LY86: variants seen among roughly 807,000 people sequenced by gnomAD.
LY86 encodes lymphocyte antigen 86.
LY86 carries 20 observed loss-of-function variants against 17.3 expected under a neutral mutation model. The observed-to-expected ratio is 1.15, with a 90% CI of 0.81 to 1.68. The LOEUF is 1.68. LY86 is among the 40% of genes most tolerant of loss of function. The probability of loss-of-function intolerance (pLI) is 0.00; values close to 1 mark genes in which losing one functional copy is unlikely to be tolerated. For missense variants in LY86, 200 were observed against 191.9 expected (o/e 1.04, Z -0.25); for synonymous variants, 74 against 70.6 (o/e 1.05, Z -0.24).
intron 1 of LY86, among the ~76,000 whole-genome samples, chr6:6,610,015 G>A (rs1761291047): frequency 6.6e-6 from 1 of 152,060 alleles, no homozygotes; most frequent in Non-Finnish European, 1.5e-5. Context: ...GTGAACTCCT[G>A]GGCTCCAGCG....
intron 1 of LY86, among the ~76,000 whole-genome samples, chr6:6,620,495 C>T (rs1393193594): frequency 6.6e-6 from 1 of 152,226 alleles, no homozygotes; most frequent in Non-Finnish European, 1.5e-5. Context: ...TAGGGACATA[C>T]ATCCAAGCTT....
intron 3 of LY86, among the ~76,000 whole-genome samples, chr6:6,636,397 C>A (rs1345758477): frequency 1.3e-5 from 2 of 152,210 alleles, no homozygotes; most frequent in Non-Finnish European, 2.9e-5. Context: ...GTTCTGCACA[C>A]AGCAAGCATT....
chr6:6,640,770 A>G (rs940204369), intron 3 of LY86, among the ~76,000 whole-genome samples: 28 of 152,134 alleles, frequency 1.8e-4, no homozygotes, highest in Non-Finnish European at 3.2e-4. Flanking sequence ...AGATGAGTAT[A>G]TCTCTGAATC....
intron 3 of LY86, among the ~76,000 whole-genome samples, chr6:6,630,103 CTT>C (rs947869689): frequency 2.6e-5 from 4 of 152,074 alleles, no homozygotes; most frequent in Non-Finnish European, 5.9e-5. Context: ...TTATTTTTGT[CTT>C]TTTTGGAAAT....
intron 1 of LY86, among the ~76,000 whole-genome samples, chr6:6,609,427 G>A (rs925425478): frequency 6.6e-6 from 1 of 152,218 alleles, no homozygotes; most frequent in Non-Finnish European, 1.5e-5. Context: ...AAGCTTCACG[G>A]TATCTTTAGG....
intron 3 of LY86, 70 bp downstream of exon 3, chr6:6,626,491 C>T: frequency 3.2e-6 from 5 of 1,553,634 alleles, no homozygotes; most frequent in Non-Finnish European, 2.6e-6. Context: ...GCATCTGAGG[C>T]CAGGACGCCC....
rs1760430402 is a variant in LY86, at chr6:6,588,756, C to G, written c.22C>G (p.Leu8Val). The change falls in exon 1 of 5, where the codon CTC becomes GTC. Residue 8 changes from leucine to valine, a missense_variant. By Grantham distance (32) the Leu-to-Val change is conservative (BLOSUM62 1). Coordinates refer to ENST00000230568, the MANE Select transcript of LY86 (RefSeq NM_004271.4). ...CACCATGAAGGGTTTCACAGCCACT[C>G]TCTTCCTCTGGACTCTGATTTTTCC... MKGFTAT[L>V]FLWTLIFPSC... is the part of the protein sequence containing the mutation. 2 of 1,614,184 alleles carry G rather than the reference C, an allele frequency of 1.2e-6. No homozygotes were observed. The highest frequency in any genetic ancestry group is 1.7e-6 in the Non-Finnish European group (2 of 1,180,012).
At chr6:6,603,612 A>AAAAAAAAAAAAAAAAAAC (rs1760990168) in intron 1 of LY86, among the ~76,000 whole-genome samples, 1 of 124,694 alleles carries the variant, frequency 8.0e-6, no homozygotes, top group Non-Finnish European at 1.8e-5. Flanking sequence ...ACAGAAAAAA[A>AAAAAAAAAAAAAAAAAAC]AACAAACAAA....
chr6:6,612,491 C>T (rs944056779), intron 1 of LY86, among the ~76,000 whole-genome samples: 3 of 150,560 alleles, frequency 2.0e-5, no homozygotes, highest in Non-Finnish European at 2.9e-5. Context: ...AAAGTGTAAA[C>T]AACAAAAACA....
chr6:6,650,340 GTT>G (rs139329401), intron 4 of LY86, among the ~76,000 whole-genome samples: 2 of 148,068 alleles, frequency 1.4e-5, no homozygotes, highest in African/African-American at 5.0e-5. Context: ...TCAGATAATG[GTT>G]TTTTTTTTTT....
intron 3 of LY86, among the ~76,000 whole-genome samples, chr6:6,647,319 T>C (rs1298507915): frequency 2.6e-5 from 4 of 152,214 alleles, no homozygotes; most frequent in African/African-American, 9.6e-5. Context: ...ATTATTCCCT[T>C]GGAACAACAA....
chr6:6,599,310 AG>A (rs1760823849), intron 1 of LY86, among the ~76,000 whole-genome samples: 1 of 152,226 alleles, frequency 6.6e-6, no homozygotes, highest in Non-Finnish European at 1.5e-5. Context: ...TCCTATTTCT[AG>A]GAACTGCCTG....
At chr6:6,605,523 C>T (rs1390947429) in intron 1 of LY86, among the ~76,000 whole-genome samples, 1 of 152,248 alleles carries the variant, frequency 6.6e-6, no homozygotes, top group African/African-American at 2.4e-5. Context: ...GGGGTCTCCC[C>T]ACAACGCTAC....
chr6:6,629,524 G>A, intron 3 of LY86, among the ~76,000 whole-genome samples: 1 of 152,240 alleles, frequency 6.6e-6, no homozygotes, highest in East Asian at 1.9e-4. Flanking sequence ...CTTCTTAGCA[G>A]AGCGGTGAGA....
At chr6:6,638,971 G>T (rs1762000508) in intron 3 of LY86, among the ~76,000 whole-genome samples, 1 of 152,052 alleles carries the variant, frequency 6.6e-6, no homozygotes, top group East Asian at 1.9e-4. Context: ...AAAGACACAT[G>T]CACACGTATG....
chr6:6,628,375 C>G (rs1013395756), intron 3 of LY86, among the ~76,000 whole-genome samples: 20 of 151,152 alleles, frequency 1.3e-4, no homozygotes, highest in African/African-American at 4.6e-4. Context: ...GCTCCACCCC[C>G]CTATACATAC....
chr6:6,603,632 A>AAAAAAAAAAAAAAAAAAC, intron 1 of LY86, among the ~76,000 whole-genome samples: 1 of 135,810 alleles, frequency 7.4e-6, no homozygotes, highest in Non-Finnish European at 1.6e-5. Context: ...AAAAAAACAA[A>AAAAAAAAAAAAAAAAAAC]ACACACACAC....
At chr6:6,619,347 A>G (rs1381341055) in intron 1 of LY86, among the ~76,000 whole-genome samples, 1 of 152,258 alleles carries the variant, frequency 6.6e-6, no homozygotes, top group Non-Finnish European at 1.5e-5. Context: ...TAGCAGTTCA[A>G]CCACACTCAG....
intron 3 of LY86, among the ~76,000 whole-genome samples, chr6:6,638,177 A>AC (rs1761988015): frequency 6.6e-6 from 1 of 152,232 alleles, no homozygotes; most frequent in Non-Finnish European, 1.5e-5. Flanking sequence ...CCAAAGTGAA[A>AC]TGTACAGAAT....
Sources: gnomAD v4.1 joint callset for allele counts (sites outside exome capture counted in the v4.1 genomes callset) on GRCh38, gnomAD v4.1.1 for gene constraint, MANE v1.5 for transcripts, NCBI Gene and HGNC (gene_info 2026-07-23, HGNC 2026-07-21) for gene names.